GALNT17: variants seen among roughly 807,000 people sequenced by gnomAD.
The protein encoded by GALNT17 is polypeptide N-acetylgalactosaminyltransferase 17.
A neutral mutation model predicts 63.7 loss-of-function variants in GALNT17; 29 were observed. The ratio of observed to expected loss-of-function variants is 0.46; its 90% CI spans 0.34 to 0.62. The LOEUF (loss-of-function observed/expected upper bound fraction) is 0.62, where lower values mean the gene tolerates loss of function less well. Ranked by LOEUF, GALNT17 falls within the 20% of genes least tolerant of loss-of-function variation. The probability of loss-of-function intolerance (pLI) is 0.01; values close to 1 mark genes in which losing one functional copy is unlikely to be tolerated. For synonymous variants in GALNT17, 305 were observed against 318.3 expected, an observed-to-expected ratio of 0.96 and a Z score of 0.45; for missense variants, 603 against 799.6, an observed-to-expected ratio of 0.75 and a Z score of 2.97.
At chr7:71,653,284 G>A (rs1370781317) in intron 6 of GALNT17, among the ~76,000 whole-genome samples, 1 of 152,100 alleles carries the variant, frequency 6.6e-6, no homozygotes, top group Non-Finnish European at 1.5e-5. Context: ...AAAGTGCTGG[G>A]ATTACAGGCA....
At chr7:71,711,066 G>T in intron 10 of GALNT17, 138 bp downstream of exon 10, 3 of 1,200,950 alleles carry the variant, frequency 2.5e-6, no homozygotes, top group Non-Finnish European at 3.4e-6. Flanking sequence ...GGCTGGGCTT[G>T]TGGACCCAAA....
chr7:71,486,884 C>T (rs1044895501), intron 5 of GALNT17, among the ~76,000 whole-genome samples: 3 of 150,724 alleles, frequency 2.0e-5, no homozygotes, highest in Admixed American at 1.3e-4. Context: ...CAAAAAAAAA[C>T]GCACTTCTTG....
intron 6 of GALNT17, among the ~76,000 whole-genome samples, chr7:71,576,469 C>G (rs1184583390): frequency 6.6e-6 from 1 of 151,824 alleles, no homozygotes; most frequent in Non-Finnish European, 1.5e-5. Context: ...ACATTCCCAC[C>G]AGCAGTGTAC....
chr7:71,457,361 G>A (rs1434631780), intron 5 of GALNT17, among the ~76,000 whole-genome samples: 1 of 152,098 alleles, frequency 6.6e-6, no homozygotes, highest in Non-Finnish European at 1.5e-5. Context: ...TGTGATTCTG[G>A]GGTTATTTTG....
intron 1 of GALNT17, among the ~76,000 whole-genome samples, chr7:71,144,476 C>A (rs1472659301): frequency 6.6e-6 from 1 of 152,084 alleles, no homozygotes; most frequent in Non-Finnish European, 1.5e-5. Context: ...AGCTTAGATG[C>A]TAAGAGTACA....
intron 9 of GALNT17, among the ~76,000 whole-genome samples, chr7:71,680,804 CCTTT>C (rs1448830308): frequency 2.7e-5 from 4 of 147,518 alleles, no homozygotes; most frequent in Non-Finnish European, 4.5e-5. Context: ...TTCCTTCCTT[CCTTT>C]CTTCCTTCCT....
At chr7:71,296,064 T>G (rs1301075499) in intron 1 of GALNT17, among the ~76,000 whole-genome samples, 1 of 152,362 alleles carries the variant, frequency 6.6e-6, no homozygotes, top group Non-Finnish European at 1.5e-5. Flanking sequence ...CCTCTGCCAT[T>G]TTTGTTTTTA....
At chr7:71,548,797 C>G (rs1183976732) in intron 5 of GALNT17, among the ~76,000 whole-genome samples, 2 of 152,196 alleles carry the variant, frequency 1.3e-5, no homozygotes, top group Non-Finnish European at 2.9e-5. Flanking sequence ...GAGCGGACAC[C>G]TCCAGAAAGG....
At chr7:71,414,388 A>G (rs1406881409) in intron 3 of GALNT17, among the ~76,000 whole-genome samples, 2 of 152,218 alleles carry the variant, frequency 1.3e-5, no homozygotes, top group Non-Finnish European at 2.9e-5. Context: ...ATGCATATTG[A>G]GTGCTTTCTA....
chr7:71,265,118 A>ATTTTTTTTTTT (rs60738546), intron 1 of GALNT17, among the ~76,000 whole-genome samples: 7 of 37,450 alleles, frequency 1.9e-4, no homozygotes, highest in Non-Finnish European at 4.1e-4. Context: ...ATATATATAT[A>ATTTTTTTTTTT]TTTTTTTTTT....
Position 71,335,696 on chromosome 7 carries a change from T to G in GALNT17, c.385T>G (p.Ser129Ala), listed in dbSNP as rs1415000398. ...GYNSYLSEKISLDRSIPDYRP... is the reference protein window; with the variant it reads ...GYNSYLSEKIALDRSIPDYRP... ...CAATTCATACCTCAGTGAAAAAATT[T>G]CACTGGACCGTTCCATTCCGGATTA... The change falls in exon 2 of 11, where the codon TCA becomes GCA. Residue 129 changes from serine to alanine, a missense_variant. Physicochemically the swap from Ser to Ala is moderately conservative, Grantham distance 99 (BLOSUM62 1). This residue lies in a region of GALNT17 where 195 missense variants were observed against 215.0 expected (regional missense o/e 0.91). Transcript: ENST00000333538. 1.2e-6 allele frequency: 2 copies of G among 1,611,672 alleles called. No individual in the cohort carries two copies. The highest frequency in any genetic ancestry group is 1.7e-6 in the Non-Finnish European group (2 of 1,179,126).
rs567958065 is a variant in GALNT17, at chr7:71,594,074, T to C, written c.1080+22672T>C. On this transcript the variant is annotated intron_variant, in intron 6 of 10. Coordinates refer to ENST00000333538, the MANE Select transcript of GALNT17 (RefSeq NM_022479.3). ...TGACACACATCAAGTTCTCCTTTTT[T>C]TGCTCACCCAGAAAATCAGCCATCT... 5.9e-5 allele frequency among the ~76,000 whole-genome samples: 9 copies of C among 152,206 alleles called. No individual in the cohort carries two copies. The South Asian group carries it at 1.7e-3, about 28-fold the overall frequency.
At chr7:71,199,818 C>T (rs1789133756) in intron 1 of GALNT17, among the ~76,000 whole-genome samples, 1 of 152,150 alleles carries the variant, frequency 6.6e-6, no homozygotes, top group Admixed American at 6.5e-5. Flanking sequence ...TCCATCCATC[C>T]ATCCAACATA....
chr7:71,499,829 A>T (rs78585402), intron 5 of GALNT17, among the ~76,000 whole-genome samples: 3,440 of 152,238 alleles, frequency 0.023, 141 homozygotes, highest in African/African-American at 0.079. Flanking sequence ...CATGATCCCT[A>T]CATATCCTGG....
intron 1 of GALNT17, among the ~76,000 whole-genome samples, chr7:71,255,153 C>G (rs1196623683): frequency 6.6e-6 from 1 of 152,212 alleles, no homozygotes; most frequent in East Asian, 1.9e-4. Context: ...TAGGGTTTGG[C>G]TCTGTCCCCA....
At chr7:71,651,475 T>C (rs1377963135) in intron 6 of GALNT17, among the ~76,000 whole-genome samples, 1 of 152,078 alleles carries the variant, frequency 6.6e-6, no homozygotes, top group Non-Finnish European at 1.5e-5. Context: ...GCTAATTTTT[T>C]GTATTTTTAG....
intron 1 of GALNT17, among the ~76,000 whole-genome samples, chr7:71,327,028 T>A (rs1791716685): frequency 6.6e-6 from 1 of 152,258 alleles, no homozygotes; most frequent in Admixed American, 6.5e-5. Flanking sequence ...CAGTTTGTAA[T>A]AGATGGCCTG....
chr7:71,216,615 GACAC>G (rs199932828), intron 1 of GALNT17, among the ~76,000 whole-genome samples: 4 of 150,360 alleles, frequency 2.7e-5, no homozygotes, highest in East Asian at 2.0e-4. Flanking sequence ...CATACACACA[GACAC>G]ACACACACAC....
chr7:71,672,427 T>C (rs1391261257), intron 8 of GALNT17, among the ~76,000 whole-genome samples: 1 of 152,222 alleles, frequency 6.6e-6, no homozygotes, highest in Non-Finnish European at 1.5e-5. Flanking sequence ...GTGTCATGGA[T>C]CCAAGCTCAT....
Sources: allele counts gnomAD v4.1 joint callset (sites outside exome capture counted in the v4.1 genomes callset), GRCh38; gene constraint gnomAD v4.1.1; regional missense constraint gnomAD v4.1.1; transcripts MANE v1.5; gene names NCBI Gene and HGNC (gene_info 2026-07-23, HGNC 2026-07-21).